The following TFAP2B variants were observed in gnomAD, a reference collection of about 807,000 sequenced individuals.
TFAP2B encodes the protein transcription factor AP-2-beta.
Under a neutral mutation model 44.3 loss-of-function variants are expected in TFAP2B, and 9 were observed. The ratio of observed to expected loss-of-function variants is 0.20; its 90% CI spans 0.12 to 0.35. TFAP2B has a LOEUF of 0.35. TFAP2B is among the 10% of genes least tolerant of loss of function. The pLI is 1.00. For missense variants in TFAP2B, 509 were observed against 600.0 expected, an observed-to-expected ratio of 0.85 and a Z score of 1.59; for synonymous variants, 270 against 263.8, an observed-to-expected ratio of 1.02 and a Z score of -0.23.
At chr6:50,834,223 T>G (rs1762574870) in intron 3 of TFAP2B, among the ~76,000 whole-genome samples, 1 of 152,216 alleles carries the variant, frequency 6.6e-6, no homozygotes, top group Non-Finnish European at 1.5e-5. Context: ...ACTTCAACTT[T>G]TCATTGATTC....
intron 1 of TFAP2B, chr6:50,821,810 G>T: frequency 1.2e-5 from 3 of 256,608 alleles, no homozygotes; most frequent in Admixed American, 4.8e-5. Context: ...GTGTAGGCAA[G>T]CGGAGGGAGG....
intron 1 of TFAP2B, among the ~76,000 whole-genome samples, chr6:50,820,340 A>G (rs1770305182): frequency 6.6e-6 from 1 of 152,070 alleles, no homozygotes; most frequent in South Asian, 2.1e-4. Context: ...CTCCTGGGGG[A>G]CTCGGGCTCG....
At chr6:50,839,361 A>G (rs552414535) in intron 5 of TFAP2B, among the ~76,000 whole-genome samples, 11 of 152,352 alleles carry the variant, frequency 7.2e-5, no homozygotes, top group African/African-American at 2.6e-4. Context: ...ATCCTCCTTA[A>G]AAATAATGTA....
At chr6:50,827,749 A>C (rs1770567177) in intron 2 of TFAP2B, among the ~76,000 whole-genome samples, 1 of 152,276 alleles carries the variant, frequency 6.6e-6, no homozygotes, top group Admixed American at 6.5e-5. Context: ...CCTGGGATGC[A>C]CAGCCAGAAC....
At chr6:50,819,698 C>G (rs555657112) in intron 1 of TFAP2B, among the ~76,000 whole-genome samples, 1 of 152,192 alleles carries the variant, frequency 6.6e-6, no homozygotes, top group African/African-American at 2.4e-5. Flanking sequence ...GGAGAAGTTG[C>G]GCCCAGCCAG....
chr6:50,839,028 T>C (rs1762675468), intron 5 of TFAP2B, among the ~76,000 whole-genome samples: 2 of 152,342 alleles, frequency 1.3e-5, no homozygotes, highest in African/African-American at 4.8e-5. Flanking sequence ...TACTTGGCCA[T>C]TTTTAAGGCA....
intron 4 of TFAP2B, among the ~76,000 whole-genome samples, chr6:50,837,268 A>T (rs1041904753): frequency 1.1e-4 from 16 of 152,184 alleles, no homozygotes; most frequent in African/African-American, 3.9e-4. Flanking sequence ...TCTCATTTTG[A>T]ATCCTCTTCC....
rs1236048644 is a variant in TFAP2B, at chr6:50,836,257, T to G, written c.798T>G (p.Ser266=). ...CGCCCCCTGAATGCCTCAATGCATC[T>G]CTCCTCGGCGGAGTCCTCAGAAGGT... ...RLSPPECLNA[S]LLGGVLRRAK... The change falls in exon 4 of 7, where the codon TCT becomes TCG. Residue 266 remains serine (S), a synonymous_variant. Transcript: ENST00000393655. 1 of 1,612,272 alleles carries G rather than the reference T, an allele frequency of 6.2e-7. No individual in the cohort carries two copies.
intron 3 of TFAP2B, 61 bp downstream of exon 3, chr6:50,828,740 T>C: frequency 1.3e-6 from 2 of 1,567,502 alleles, no homozygotes; most frequent in East Asian, 2.2e-5. Flanking sequence ...GTCTTTATGA[T>C]GAATTTTCAC....
upstream of TFAP2B, chr6:50,818,780 G>A (rs1258995777): frequency 1.1e-6 from 1 of 888,318 alleles, no homozygotes; most frequent in East Asian, 2.6e-5. Flanking sequence ...ACAGATATAA[G>A]TTGCGATGGG....
intron 3 of TFAP2B, among the ~76,000 whole-genome samples, chr6:50,832,211 C>G (rs1054120972): frequency 6.6e-5 from 10 of 152,146 alleles, no homozygotes; most frequent in African/African-American, 1.9e-4. Flanking sequence ...CTGAGAAACA[C>G]TGCAGCCACT....
intron 3 of TFAP2B, among the ~76,000 whole-genome samples, chr6:50,833,277 G>T (rs781396578): frequency 2.0e-5 from 3 of 152,122 alleles, no homozygotes; most frequent in Non-Finnish European, 4.4e-5. Flanking sequence ...TAAAATATGG[G>T]GTTAATCAGG....
chr6:50,822,753 A>G (rs1198669161), intron 1 of TFAP2B, among the ~76,000 whole-genome samples: 1 of 152,220 alleles, frequency 6.6e-6, no homozygotes, highest in Admixed American at 6.5e-5. Context: ...ATCCATTTCA[A>G]TGAAACACTA....
In TFAP2B at chr6:50,823,689, C is replaced by T; in HGVS notation, c.364C>T (p.Leu122=). 6.2e-7 allele frequency: 1 copy of T among 1,613,764 alleles called. No homozygotes were observed. Among genetic ancestry groups the T allele is most frequent in the Non-Finnish European group, 8.5e-7 (1 of 1,179,856 alleles). ...AGTGGGTTCGGAAGCCGGCTCTCTCCTGCCCCAGCCTCGGGCCGCCTTGCC... is the reference window on the plus strand; with the variant it reads ...AGTGGGTTCGGAAGCCGGCTCTCTCTTGCCCCAGCCTCGGGCCGCCTTGCC... ...QEVGSEAGSL[L]PQPRAALPQL... The change falls in exon 2 of 7, where the codon CTG becomes TTG. Residue 122 remains leucine (L), a synonymous_variant. Coordinates refer to ENST00000393655, the MANE Select transcript of TFAP2B (RefSeq NM_003221.4).
intron 6 of TFAP2B, among the ~76,000 whole-genome samples, chr6:50,840,545 G>T (rs927358172): frequency 2.6e-5 from 4 of 152,168 alleles, no homozygotes; most frequent in Non-Finnish European, 4.4e-5. Context: ...TCACTCTGGG[G>T]ATGTCAGGCA....
At position 50,836,318 on chromosome 6, in the gene TFAP2B, A is replaced by C. The variant is rs563398266; in HGVS notation, c.821+38A>C. 3 of 1,543,198 alleles carry C rather than the reference A, an allele frequency of 1.9e-6. No individual in the cohort carries two copies. In the African/African-American group the frequency reaches 4.1e-5, roughly 21 times the overall value. ...CGAAAAACAAAAACAAAAACAAAAAAACAAACAAAAACCCACCAGTTTTTA... is the reference window on the plus strand; with the variant it reads ...CGAAAAACAAAAACAAAAACAAAAACACAAACAAAAACCCACCAGTTTTTA... On this transcript the variant is annotated intron_variant, in intron 4 of 6. Coordinates refer to ENST00000393655, the MANE Select transcript of TFAP2B (RefSeq NM_003221.4).
intron 3 of TFAP2B, among the ~76,000 whole-genome samples, chr6:50,829,243 C>T (rs1169357200): frequency 6.6e-6 from 1 of 152,162 alleles, no homozygotes; most frequent in Non-Finnish European, 1.5e-5. Context: ...AATCTTCCTA[C>T]ATATGCATTC....
Position 50,845,992 on chromosome 6 carries a change from T to A in TFAP2B, c.*2600T>A, listed in dbSNP as rs1762841371. 1 of 152,688 alleles carries A rather than the reference T, an allele frequency of 6.5e-6. No individual in the cohort carries two copies. Among genetic ancestry groups the A allele is most frequent in the Non-Finnish European group, 1.5e-5 (1 of 68,136 alleles). The allele number at this position is 152,688 out of a possible 1,614,324, so 9.5% of individuals were successfully genotyped here. A position where few individuals can be genotyped will look rare whatever the true frequency, so the allele number is the denominator to read the frequency against. On this transcript the variant is annotated 3_prime_UTR_variant, in exon 7 of 7. Transcript: ENST00000393655. Reference sequence around the variant, plus strand: ...AGCGGCCACCCGGGGCGCCGGCTCCTGGAGGGAGAGTGGCCTAGAAATATC... The same window carrying A: ...AGCGGCCACCCGGGGCGCCGGCTCCAGGAGGGAGAGTGGCCTAGAAATATC...
At position 50,836,245 on chromosome 6, in the gene TFAP2B, C is replaced by T; in HGVS notation, c.786C>T (p.Cys262=). The part of the protein sequence containing the change: ...EVQRRLSPPE[C]LNASLLGGVL... ...AGAGACGGCTGTCGCCCCCTGAATG[C>T]CTCAATGCATCTCTCCTCGGCGGAG... Residue 262 remains cysteine (C), a synonymous_variant, in exon 4 of 7, where the codon TGC becomes TGT. Coordinates refer to ENST00000393655, the MANE Select transcript of TFAP2B (RefSeq NM_003221.4). 6.2e-7 allele frequency: 1 copy of T among 1,612,632 alleles called. No individual in the cohort carries two copies. Among genetic ancestry groups the T allele is most frequent in the South Asian group, 1.1e-5 (1 of 91,014 alleles).
Sources: allele counts gnomAD v4.1 joint callset (sites outside exome capture counted in the v4.1 genomes callset), GRCh38; gene constraint gnomAD v4.1.1; transcripts MANE v1.5; gene names NCBI Gene and HGNC (gene_info 2026-07-23, HGNC 2026-07-21).